The following DCLK2 variants were observed in gnomAD, a reference collection of about 807,000 sequenced individuals.
DCLK2 encodes the protein doublecortin like kinase 2.
Under a neutral mutation model 78.4 loss-of-function variants are expected in DCLK2, and 31 were observed. That is an observed-to-expected ratio of 0.40 (90% CI 0.30 to 0.53). The LOEUF (loss-of-function observed/expected upper bound fraction) is 0.53, where lower values mean the gene tolerates loss of function less well. Ranked by LOEUF, DCLK2 falls within the 20% of genes least tolerant of loss-of-function variation. DCLK2 has a pLI of 0.61. For missense variants in DCLK2, 872 were observed against 973.7 expected, an observed-to-expected ratio of 0.90 and a Z score of 1.39; for synonymous variants, 407 against 374.9, an observed-to-expected ratio of 1.09 and a Z score of -0.99.
At chr4:150,234,474 G>A (rs1168249777) in intron 10 of DCLK2, among the ~76,000 whole-genome samples, 1 of 152,200 alleles carries the variant, frequency 6.6e-6, no homozygotes, top group African/African-American at 2.4e-5. Context: ...GCTGGTGCTA[G>A]AGCATGAGCC....
intron 2 of DCLK2, among the ~76,000 whole-genome samples, chr4:150,142,661 A>C (rs4292313): frequency 0.59 from 88,903 of 151,966 alleles, 26,535 homozygotes; most frequent in South Asian, 0.81. Flanking sequence ...TATATTAAAT[A>C]AACTATCTGA....
At position 150,160,053 on chromosome 4, in the gene DCLK2, C is replaced by T. The variant is rs560489137; in HGVS notation, c.757-33085C>T. On this transcript the variant is annotated intron_variant, in intron 2 of 15. Transcript: ENST00000296550. ...TGTGTGAGACGGGGTCTTAGTCTGT[C>T]GTCCAGGGTGGAGTGCAGTGGTGTG... Among the ~76,000 whole-genome samples the T allele has an allele frequency of 2.7e-5, 4 of 150,532 alleles. No homozygotes were observed. In the South Asian group the frequency reaches 6.3e-4, roughly 24 times the overall value.
In DCLK2 at chr4:150,231,379, C is replaced by T. The variant is rs1428386843; in HGVS notation, c.1300-958C>T. ...TGCATTCAGTGCTCAAGAAACACAA[C>T]CTACCATGTGCAGGAGCTTGAAACA... On this transcript the variant is annotated intron_variant, in intron 8 of 15. Transcript: ENST00000296550. 2.0e-5 allele frequency among the ~76,000 whole-genome samples: 3 copies of T among 152,204 alleles called. No homozygotes were observed. The South Asian group carries it at 6.2e-4, about 31-fold the overall frequency.
At chr4:150,119,923 A>T (rs1732398142) in intron 2 of DCLK2, among the ~76,000 whole-genome samples, 1 of 152,212 alleles carries the variant, frequency 6.6e-6, no homozygotes, top group Non-Finnish European at 1.5e-5. Context: ...GCTTTGTGAC[A>T]TTTGACTCAG....
chr4:150,136,979 C>A, intron 2 of DCLK2, among the ~76,000 whole-genome samples: 2 of 82,398 alleles, frequency 2.4e-5, no homozygotes, highest in South Asian at 6.4e-4. Context: ...TCTTCTTCTT[C>A]TTTTTTTTTT....
At chr4:150,230,348 G>C (rs1313032559) in intron 8 of DCLK2, among the ~76,000 whole-genome samples, 2 of 152,138 alleles carry the variant, frequency 1.3e-5, no homozygotes, top group Non-Finnish European at 2.9e-5. Context: ...CAATTTGAGA[G>C]AGATTCTTGG....
chr4:150,083,337 G>C (rs568245438), intron 1 of DCLK2, among the ~76,000 whole-genome samples: 1 of 152,124 alleles, frequency 6.6e-6, no homozygotes, highest in Non-Finnish European at 1.5e-5. Flanking sequence ...TAAACAATAA[G>C]CTGATTGTTT....
rs776802398 is a variant in DCLK2 at position 150,079,337 on chromosome 4, A to G, written c.310A>G (p.Ile104Val). Reference sequence around the variant, plus strand: ...CTTCCGGTCCTTCGATGCGCTCCTCATAGAGCTCACCCGCTCCCTGTCGGA... The same window carrying G: ...CTTCCGGTCCTTCGATGCGCTCCTCGTAGAGCTCACCCGCTCCCTGTCGGA... Reference protein sequence around the residue: ...DRFRSFDALLIELTRSLSDNV... With the variant: ...DRFRSFDALLVELTRSLSDNV... The change falls in exon 1 of 16, where the codon ATA becomes GTA. Residue 104 changes from isoleucine to valine, a missense_variant. By Grantham distance (29) the Ile-to-Val change is conservative. Coordinates refer to ENST00000296550, the MANE Select transcript of DCLK2 (RefSeq NM_001040260.4). The G allele has an allele frequency of 1.9e-6, 3 of 1,588,856 alleles. No homozygotes were observed. Among genetic ancestry groups the G allele is most frequent in the South Asian group, 2.3e-5 (2 of 87,392 alleles).
At position 150,256,218 on chromosome 4, in the gene DCLK2, G is replaced by T. The variant is rs772831263; in HGVS notation, c.2272G>T (p.Ala758Ser). ...PPPAAPGGER[A>S]GTWRRHRD ...TCCCGCTGCCCCGGGTGGTGAGCGG[G>T]CAGGAACCTGGCGCCGCCACCGAGA... Residue 758 changes from alanine (A) to serine (S), a missense_variant, in exon 16 of 16, where the codon GCA becomes TCA. Around this residue, in one of 3 missense-constraint regions of DCLK2, gnomAD observed 219 missense variants for 230.1 expected, o/e 0.95. Transcript: ENST00000296550. 2 of 1,529,692 alleles carry T rather than the reference G, an allele frequency of 1.3e-6. No individual in the cohort carries two copies. The highest frequency in any genetic ancestry group is 2.4e-5 in the South Asian group (2 of 82,554). The allele number at this position is 1,529,692 out of a possible 1,614,324, so 94.8% of individuals were successfully genotyped here.
intron 1 of DCLK2, among the ~76,000 whole-genome samples, chr4:150,084,155 A>C (rs9307864): frequency 0.42 from 64,381 of 151,952 alleles, 14,209 homozygotes; most frequent in African/African-American, 0.53. Flanking sequence ...CTATTATAAC[A>C]CTTAGCTTTG....
intron 2 of DCLK2, among the ~76,000 whole-genome samples, chr4:150,166,690 T>C (rs1461343596): frequency 6.6e-6 from 1 of 152,202 alleles, no homozygotes; most frequent in African/African-American, 2.4e-5. Context: ...TGTTAATGCA[T>C]AATTTATCTG....
rs952203649 is a variant in DCLK2 at position 150,130,333 on chromosome 4, G to A, written c.756+27521G>A. Among the ~76,000 whole-genome samples, 6 of 152,224 alleles carry A rather than the reference G, an allele frequency of 3.9e-5. No homozygotes were observed. In the South Asian group the frequency reaches 1.0e-3, roughly 26 times the overall value. ...TACTAGCCAGCCAGAAGACAGAAGT[G>A]TGAGCCAGAAGAGTTGGGAAGTGTT... On this transcript the variant is annotated intron_variant, in intron 2 of 15. Coordinates refer to ENST00000296550, the MANE Select transcript of DCLK2 (RefSeq NM_001040260.4).
At chr4:150,118,682 G>T (rs540344986) in intron 2 of DCLK2, among the ~76,000 whole-genome samples, 14 of 152,170 alleles carry the variant, frequency 9.2e-5, no homozygotes, top group African/African-American at 3.4e-4. Flanking sequence ...ATCCCACTCT[G>T]CTTCTTAAAG....
intron 5 of DCLK2, among the ~76,000 whole-genome samples, chr4:150,218,415 T>A (rs941633283): frequency 6.6e-6 from 1 of 152,200 alleles, no homozygotes; most frequent in Admixed American, 6.5e-5. Flanking sequence ...GAAATGCCTG[T>A]GTTTCAGCCC....
intron 5 of DCLK2, among the ~76,000 whole-genome samples, chr4:150,204,797 T>G (rs951526642): frequency 6.0e-5 from 9 of 151,046 alleles, no homozygotes; most frequent in African/African-American, 1.9e-4. Flanking sequence ...TGGGCTGAGG[T>G]GGGAGAATCA....
At chr4:150,245,980 C>G (rs1743278100) in intron 12 of DCLK2, among the ~76,000 whole-genome samples, 1 of 152,012 alleles carries the variant, frequency 6.6e-6, no homozygotes, top group African/African-American at 2.4e-5. Context: ...CGGCACTATT[C>G]ACAATAGCAA....
chr4:150,222,656 G>A (rs4696597), intron 7 of DCLK2, among the ~76,000 whole-genome samples: 33,363 of 151,320 alleles, frequency 0.22, 3,865 homozygotes, highest in Non-Finnish European at 0.27. Context: ...GACCAGCCCA[G>A]CCACCATGGT....
intron 2 of DCLK2, among the ~76,000 whole-genome samples, chr4:150,151,976 C>T (rs1445631877): frequency 6.6e-6 from 1 of 151,850 alleles, no homozygotes; most frequent in Admixed American, 6.6e-5. Flanking sequence ...ATGTAAAGAC[C>T]ACAAAATGAG....
intron 2 of DCLK2, among the ~76,000 whole-genome samples, chr4:150,168,613 G>A (rs1331699583): frequency 6.6e-6 from 1 of 152,190 alleles, no homozygotes; most frequent in East Asian, 1.9e-4. Context: ...GGTGCTCTGT[G>A]ACTTGGATAC....
Sources: allele counts gnomAD v4.1 joint callset (sites outside exome capture counted in the v4.1 genomes callset), GRCh38; gene constraint gnomAD v4.1.1; regional missense constraint gnomAD v4.1.1; transcripts MANE v1.5; gene names NCBI Gene and HGNC (gene_info 2026-07-23, HGNC 2026-07-21).